ANLN: variants seen among roughly 807,000 people sequenced by gnomAD.
ANLN encodes the protein anillin, actin binding protein.
ANLN carries 59 observed loss-of-function variants against 135.1 expected under a neutral mutation model. The observed-to-expected ratio is 0.44, with a 90% confidence interval of 0.35 to 0.54. ANLN has a LOEUF of 0.54. Ranked by LOEUF, ANLN falls within the 20% of genes least tolerant of loss-of-function variation. The pLI, the probability that ANLN is intolerant of heterozygous loss-of-function variation, is 0.00. For synonymous variants in ANLN, 406 were observed against 456.4 expected (o/e 0.89, Z 1.41); for missense variants, 1,182 against 1,340.0 (o/e 0.88, Z 1.84).
At chr7:36,438,655 A>G (rs1347780208) in intron 20 of ANLN, among the ~76,000 whole-genome samples, 2 of 152,212 alleles carry the variant, frequency 1.3e-5, no homozygotes, top group African/African-American at 4.8e-5. Flanking sequence ...TACAGGCGTG[A>G]ACTACCATGT....
In ANLN at chr7:36,399,374, G is replaced by C; in HGVS notation, c.468G>C (p.Trp156Cys). Residue 156 changes from tryptophan to cysteine, a missense_variant, in exon 3 of 24, where the codon TGG (tryptophan) becomes TGC (cysteine). Transcript: ENST00000265748. ...AACTTGCAGAGCAACGGCGCCGTTGGGATAATGATGATATGACAGGTATGA... is the reference window on the plus strand; with the variant it reads ...AACTTGCAGAGCAACGGCGCCGTTGCGATAATGATGATATGACAGGTATGA... ...MQKLAEQRRR[W>C]DNDDMTDDIP... is the part of the protein sequence containing the mutation. The C allele has an allele frequency of 6.2e-7, 1 of 1,610,346 alleles. No homozygotes were observed. Among genetic ancestry groups the C allele is most frequent in the Non-Finnish European group, 8.5e-7 (1 of 1,178,010 alleles).
intron 9 of ANLN, among the ~76,000 whole-genome samples, chr7:36,417,666 C>T (rs1196811047): frequency 6.9e-6 from 1 of 145,058 alleles, no homozygotes; most frequent in Non-Finnish European, 1.5e-5. Flanking sequence ...CCAGGCCTCT[C>T]AAACTTCCTT....
At chr7:36,440,491 A>G (rs1788722229) in intron 21 of ANLN, among the ~76,000 whole-genome samples, 1 of 152,194 alleles carries the variant, frequency 6.6e-6, no homozygotes, top group South Asian at 2.1e-4. Context: ...ACTCTTGGAA[A>G]CACTTTGGCA....
chr7:36,419,172 A>G, intron 9 of ANLN, 72 bp from the exon 10 acceptor site: 1 of 1,116,606 alleles, frequency 9.0e-7, no homozygotes, highest in Non-Finnish European at 1.3e-6. Context: ...TATGAATATT[A>G]AATTTTCTTT....
At chr7:36,390,181 G>A in intron 1 of ANLN, 137 bp downstream of exon 1, 1 of 1,462,960 alleles carries the variant, frequency 6.8e-7, no homozygotes, top group Non-Finnish European at 9.3e-7. Context: ...GTGCGGGCCG[G>A]GGTCGCCGCG....
chr7:36,448,657 G>A (rs1211037340), intron 22 of ANLN, among the ~76,000 whole-genome samples: 2 of 152,004 alleles, frequency 1.3e-5, no homozygotes, highest in African/African-American at 2.4e-5. Context: ...AGCATTTGGC[G>A]GCTTATATAA....
At chr7:36,437,565 G>A (rs1788595163) in intron 20 of ANLN, among the ~76,000 whole-genome samples, 1 of 152,004 alleles carries the variant, frequency 6.6e-6, no homozygotes, top group African/African-American at 2.4e-5. Context: ...GGATTGCTGG[G>A]TTATATGGTA....
In ANLN at chr7:36,427,102, A is replaced by G. The variant is rs969651610; in HGVS notation, c.2883+74A>G. 4 of 912,146 alleles carry G rather than the reference A, an allele frequency of 4.4e-6. No homozygotes were observed. The South Asian group carries it at 6.9e-5, about 16-fold the overall frequency. 56.5% of individuals were successfully genotyped at this position (912,146 alleles called of 1,614,324 possible). On this transcript the variant is annotated intron_variant, in intron 20 of 23. Transcript: ENST00000265748. Reference sequence around the variant, plus strand: ...GAAAAATTAGCTCAATGGAAATGCCACAATGCTTTTAGGTATTTGAAATCT... The same window carrying G: ...GAAAAATTAGCTCAATGGAAATGCCGCAATGCTTTTAGGTATTTGAAATCT...
chr7:36,431,561 T>TTGGGTGTGTG (rs1788312386), intron 20 of ANLN, among the ~76,000 whole-genome samples: 1 of 76,028 alleles, frequency 1.3e-5, no homozygotes, highest in Non-Finnish European at 2.5e-5. Flanking sequence ...ATGTGTGTGT[T>TTGGGTGTGTG]TGTGTGTGTG....
chr7:36,451,397 C>T (rs766852943), intron 23 of ANLN, among the ~76,000 whole-genome samples: 4 of 152,228 alleles, frequency 2.6e-5, no homozygotes, highest in Non-Finnish European at 4.4e-5. Context: ...TTGAAGTCAA[C>T]GGACTTAAGT....
intron 20 of ANLN, among the ~76,000 whole-genome samples, chr7:36,429,192 T>C (rs150555670): frequency 2.1e-3 from 316 of 152,200 alleles, no homozygotes; most frequent in African/African-American, 6.7e-3. Context: ...TTATACTGAA[T>C]ATAATAATAT....
chr7:36,411,013 A>C (rs1554342723), intron 6 of ANLN, 46 bp from the exon 7 acceptor site: 1 of 1,515,476 alleles, frequency 6.6e-7, no homozygotes, highest in Non-Finnish European at 8.9e-7. Context: ...TGGATGTTAA[A>C]CATGCTACCG....
chr7:36,422,063 A>G, intron 13 of ANLN, 71 bp downstream of exon 13: 1 of 1,531,016 alleles, frequency 6.5e-7, no homozygotes, highest in Non-Finnish European at 8.8e-7. Flanking sequence ...ATATTTAGAA[A>G]TCTTTAAGTT....
At chr7:36,390,338 A>C (rs1786384558) in intron 1 of ANLN, 3 of 472,810 alleles carry the variant, frequency 6.3e-6, no homozygotes, top group African/African-American at 5.9e-5. Context: ...GTCCCTCTGC[A>C]GTCCTGGCGC....
chr7:36,449,915 C>A, intron 23 of ANLN, 78 bp downstream of exon 23: 3 of 1,405,298 alleles, frequency 2.1e-6, no homozygotes, highest in Admixed American at 2.1e-5. Context: ...TGAGAAATAT[C>A]ACAGATGGTC....
chr7:36,390,075 G>A, intron 1 of ANLN, 31 bp downstream of exon 1: 1 of 1,613,180 alleles, frequency 6.2e-7, no homozygotes, highest in South Asian at 1.1e-5. Flanking sequence ...AGCCAGCCAT[G>A]ACCCACCGCT....
At chr7:36,392,279 A>T (rs1046162648) in intron 1 of ANLN, among the ~76,000 whole-genome samples, 3 of 152,214 alleles carry the variant, frequency 2.0e-5, no homozygotes, top group African/African-American at 7.2e-5. Flanking sequence ...TTCCAGAATT[A>T]AATGAAGTTC....
chr7:36,399,678 G>T (rs907104357), intron 3 of ANLN, among the ~76,000 whole-genome samples: 1 of 152,134 alleles, frequency 6.6e-6, no homozygotes, highest in Non-Finnish European at 1.5e-5. Context: ...CAAACTATAC[G>T]TGTTGTTAGC....
chr7:36,404,126 G>A (rs6952338), intron 3 of ANLN, among the ~76,000 whole-genome samples: 38,121 of 151,850 alleles, frequency 0.25, 4,922 homozygotes, highest in East Asian at 0.41. Context: ...GCCCGTCACC[G>A]TGCCCGGCTA....
Sources: gnomAD v4.1 joint callset for allele counts (sites outside exome capture counted in the v4.1 genomes callset) on GRCh38, gnomAD v4.1.1 for gene constraint, MANE v1.5 for transcripts, NCBI Gene and HGNC (gene_info 2026-07-23, HGNC 2026-07-21) for gene names.